The following MAGI1 variants were observed in gnomAD, a reference collection of about 807,000 sequenced individuals.
The protein encoded by MAGI1 is membrane-associated guanylate kinase, WW and PDZ domain-containing protein 1.
A neutral mutation model predicts 139.9 loss-of-function variants in MAGI1; 58 were observed. The observed-to-expected ratio is 0.41, with a 90% confidence interval of 0.34 to 0.52. The LOEUF (loss-of-function observed/expected upper bound fraction) is 0.52, where lower values mean the gene tolerates loss of function less well. Among genes scored for constraint, MAGI1 ranks in the 20% least tolerant of loss-of-function variants. MAGI1 has a pLI of 0.12. For synonymous variants in MAGI1, 812 were observed against 737.9 expected (o/e 1.10, Z -1.63); for missense variants, 1,874 against 1,901.6 (o/e 0.99, Z 0.27).
At chr3:65,640,301 A>G (rs1431172346) in intron 1 of MAGI1, among the ~76,000 whole-genome samples, 1 of 152,160 alleles carries the variant, frequency 6.6e-6, no homozygotes, top group Non-Finnish European at 1.5e-5. Flanking sequence ...CCAACATAGC[A>G]TGAAGCATTC....
chr3:65,669,173 G>A (rs929287731), intron 1 of MAGI1, among the ~76,000 whole-genome samples: 3 of 152,128 alleles, frequency 2.0e-5, no homozygotes, highest in Admixed American at 6.6e-5. Flanking sequence ...CTGACCCTGT[G>A]AGCCATTGCA....
At chr3:65,711,876 G>A (rs2031480432) in intron 1 of MAGI1, among the ~76,000 whole-genome samples, 1 of 152,166 alleles carries the variant, frequency 6.6e-6, no homozygotes, top group African/African-American at 2.4e-5. Context: ...GTGATACCTT[G>A]TTATGGCAGC....
intron 1 of MAGI1, among the ~76,000 whole-genome samples, chr3:66,002,750 A>G (rs574537198): frequency 2.0e-5 from 3 of 152,122 alleles, no homozygotes; most frequent in African/African-American, 7.2e-5. Flanking sequence ...TCCTGACCTC[A>G]GGTGATCTGC....
chr3:65,515,201 C>G (rs1447732897), intron 2 of MAGI1, among the ~76,000 whole-genome samples: 3 of 146,090 alleles, frequency 2.1e-5, no homozygotes, highest in Non-Finnish European at 3.0e-5. Context: ...GGAGATATAC[C>G]TAATGCTAGA....
chr3:65,381,977 T>C lies in MAGI1; in HGVS notation c.2601A>G (p.Pro867=). The change falls in exon 16 of 23, where the codon CCA becomes CCG. Residue 867 remains proline (P), a synonymous_variant. Coordinates refer to ENST00000402939, the MANE Select transcript of MAGI1 (RefSeq NM_001033057.2). ...GDELICVDGT[P]VIGKSHQLVV... Reference sequence around the variant, plus strand: ...CAAGCTGGTGTGATTTTCCAATTACTGGCGTCCCATCCACACAGATTAATT... The same window carrying C: ...CAAGCTGGTGTGATTTTCCAATTACCGGCGTCCCATCCACACAGATTAATT... 1 of 1,614,200 alleles carries C rather than the reference T, an allele frequency of 6.2e-7. No homozygotes were observed.
intron 6 of MAGI1, chr3:65,448,314 TG>T: frequency 1.7e-6 from 1 of 575,386 alleles, no homozygotes; most frequent in African/African-American, 1.9e-5. Context: ...AGGATTTGAT[TG>T]GTTGTAAAAG....
At chr3:65,936,918 T>TTGG (rs1259563648) in intron 1 of MAGI1, among the ~76,000 whole-genome samples, 2 of 149,230 alleles carry the variant, frequency 1.3e-5, no homozygotes, top group African/African-American at 2.5e-5. Flanking sequence ...GTTGTTGTTG[T>TTGG]TGGTGGTGGT....
intron 12 of MAGI1, among the ~76,000 whole-genome samples, chr3:65,420,783 C>T (rs772504155): frequency 2.6e-5 from 4 of 152,240 alleles, no homozygotes; most frequent in African/African-American, 7.2e-5. Flanking sequence ...AAATCACACA[C>T]GAACACATTT....
intron 18 of MAGI1, 85 bp from the exon 19 acceptor site, chr3:65,365,031 G>A: frequency 9.8e-7 from 1 of 1,022,196 alleles, no homozygotes; most frequent in South Asian, 1.3e-5. Flanking sequence ...CCCTGTATCT[G>A]AATAACAAGT....
intron 1 of MAGI1, chr3:65,844,351 G>A (rs77662780): frequency 0.052 from 16,273 of 315,256 alleles, 1,101 homozygotes; most frequent in South Asian, 0.2. Flanking sequence ...GACTGAAAAG[G>A]TACAAATTGT....
intron 2 of MAGI1, among the ~76,000 whole-genome samples, chr3:65,615,883 G>C (rs555359693): frequency 6.6e-6 from 1 of 152,310 alleles, no homozygotes; most frequent in East Asian, 1.9e-4. Flanking sequence ...CGTACAAGCA[G>C]TGCAGTGATA....
chr3:65,364,712 G>A lies in MAGI1; in HGVS notation c.3304C>T (p.Pro1102Ser). 2 of 1,614,114 alleles carry A rather than the reference G, an allele frequency of 1.2e-6. No homozygotes were observed. The highest frequency in any genetic ancestry group is 2.2e-5 in the East Asian group (1 of 44,880). ...GTQETRNTTKPKQESQFEFKA... is the reference protein window; with the variant it reads ...GTQETRNTTKSKQESQFEFKA... Reference sequence around the variant, plus strand: ...AACTCAAATTGAGATTCCTGCTTTGGTTTGGTGGTATTCCTGCCAAAGTGA... The same window carrying A: ...AACTCAAATTGAGATTCCTGCTTTGATTTGGTGGTATTCCTGCCAAAGTGA... Residue 1102 changes from proline (P) to serine (S), a missense_variant, in exon 20 of 23, where the codon CCA becomes TCA. Coordinates refer to ENST00000402939, the MANE Select transcript of MAGI1 (RefSeq NM_001033057.2).
At chr3:66,010,853 T>C (rs1181348441) in intron 1 of MAGI1, among the ~76,000 whole-genome samples, 12 of 152,190 alleles carry the variant, frequency 7.9e-5, no homozygotes, top group African/African-American at 2.2e-4. Context: ...GATAAAAGCA[T>C]AGAGCAAATA....
At chr3:66,009,917 A>C (rs1246851289) in intron 1 of MAGI1, among the ~76,000 whole-genome samples, 1 of 151,760 alleles carries the variant, frequency 6.6e-6, no homozygotes, top group Admixed American at 6.6e-5. Context: ...CTCTACTAAA[A>C]ATACAAAAAT....
chr3:65,740,923 C>T (rs2035206445), intron 1 of MAGI1, among the ~76,000 whole-genome samples: 1 of 152,082 alleles, frequency 6.6e-6, no homozygotes, highest in South Asian at 2.1e-4. Flanking sequence ...ACTATTTTTC[C>T]TTCTTTATGC....
chr3:65,376,585 A>G (rs1391801067), intron 17 of MAGI1, among the ~76,000 whole-genome samples: 2 of 152,152 alleles, frequency 1.3e-5, no homozygotes, highest in African/African-American at 4.8e-5. Flanking sequence ...AAAGCACCCA[A>G]CCTTGAAGCT....
At chr3:65,930,606 T>C (rs1219761086) in intron 1 of MAGI1, among the ~76,000 whole-genome samples, 2 of 151,934 alleles carry the variant, frequency 1.3e-5, no homozygotes, top group Non-Finnish European at 2.9e-5. Context: ...TCCCAGGAGG[T>C]TGGGCATTCT....
intron 1 of MAGI1, among the ~76,000 whole-genome samples, chr3:65,964,348 GAGAA>G (rs1192232280): frequency 6.6e-6 from 1 of 152,122 alleles, no homozygotes; most frequent in Admixed American, 6.5e-5. Flanking sequence ...CCCTACAAAG[GAGAA>G]AGAAAGGTCA....
At chr3:65,525,453 C>A (rs2078338912) in intron 2 of MAGI1, among the ~76,000 whole-genome samples, 1 of 152,178 alleles carries the variant, frequency 6.6e-6, no homozygotes. Context: ...AACTAAGATA[C>A]ACACATGCTA....
Sources: gnomAD v4.1 joint callset for allele counts (sites outside exome capture counted in the v4.1 genomes callset) on GRCh38, gnomAD v4.1.1 for gene constraint, MANE v1.5 for transcripts, NCBI Gene and HGNC (gene_info 2026-07-23, HGNC 2026-07-21) for gene names.